Variants in SWAP70 observed in about 807,000 individuals in gnomAD.
The protein encoded by SWAP70 is switch-associated protein 70.
In SWAP70, 34 loss-of-function variants were observed where a neutral mutation model predicts 80.2. That is an observed-to-expected ratio of 0.42 (90% CI 0.32 to 0.56). The LOEUF is 0.56. SWAP70 is among the 20% of genes least tolerant of loss of function. The probability of loss-of-function intolerance (pLI) is 0.09; values close to 1 mark genes in which losing one functional copy is unlikely to be tolerated. For synonymous variants in SWAP70, 239 were observed against 238.5 expected (o/e 1.00, Z -0.02); for missense variants, 578 against 690.7 (o/e 0.84, Z 1.83).
chr11:9,730,349 A>ATTTTTTTTT (rs1851281783), intron 6 of SWAP70, among the ~76,000 whole-genome samples: 1 of 151,768 alleles, frequency 6.6e-6, no homozygotes, highest in African/African-American at 2.4e-5. Context: ...AAAAAAAAGA[A>ATTTTTTTTT]CATGTATTTT....
At chr11:9,709,033 C>T (rs1035628581) in intron 2 of SWAP70, among the ~76,000 whole-genome samples, 1 of 151,938 alleles carries the variant, frequency 6.6e-6, no homozygotes, top group African/African-American at 2.4e-5. Flanking sequence ...AGCCTCCTGA[C>T]AAGCTAGGAC....
chr11:9,745,797 C>T lies in SWAP70; in HGVS notation c.1356-2061C>T, dbSNP rs895209091. 2.6e-5 allele frequency among the ~76,000 whole-genome samples: 4 copies of T among 152,194 alleles called. No homozygotes were observed. The East Asian group carries it at 7.7e-4, about 29-fold the overall frequency. The stretch of plus-strand genomic sequence containing the variant: ...CAGAAAAAGAGTGAGGCACTGAAGT[C>T]TTTAGTCAGGAGTCTTACTTGCGAA... On this transcript the variant is annotated intron_variant, in intron 9 of 11. Coordinates refer to ENST00000318950, the MANE Select transcript of SWAP70 (RefSeq NM_015055.4).
intron 1 of SWAP70, among the ~76,000 whole-genome samples, chr11:9,683,407 C>T (rs1850592605): frequency 6.6e-6 from 1 of 151,344 alleles, no homozygotes; most frequent in Admixed American, 6.6e-5. Flanking sequence ...CAGAGCAAGA[C>T]CCTGTCTCAA....
chr11:9,720,824 T>A (rs897113562), intron 3 of SWAP70, among the ~76,000 whole-genome samples: 1 of 152,228 alleles, frequency 6.6e-6, no homozygotes, highest in African/African-American at 2.4e-5. Context: ...TCTTATTTTT[T>A]ATTTTTTTAA....
chr11:9,692,256 G>A (rs1213696900), intron 1 of SWAP70, among the ~76,000 whole-genome samples: 2 of 149,470 alleles, frequency 1.3e-5, no homozygotes, highest in African/African-American at 2.4e-5. Flanking sequence ...TTAAAAATAT[G>A]TACTACATTT....
intron 3 of SWAP70, among the ~76,000 whole-genome samples, chr11:9,721,055 A>T (rs1391359652): frequency 6.6e-6 from 1 of 152,230 alleles, no homozygotes; most frequent in Admixed American, 6.5e-5. Flanking sequence ...GCTTCAGGTG[A>T]TCTGCCCGCC....
chr11:9,711,407 GTC>G (rs1270812087), intron 2 of SWAP70, among the ~76,000 whole-genome samples: 2 of 152,028 alleles, frequency 1.3e-5, no homozygotes, highest in Non-Finnish European at 2.9e-5. Context: ...GTGTGTGTGT[GTC>G]TGTCTGTCTG....
At chr11:9,671,250 A>G (rs1383995084) in intron 1 of SWAP70, among the ~76,000 whole-genome samples, 28 of 87,858 alleles carry the variant, frequency 3.2e-4, no homozygotes, top group Non-Finnish European at 5.2e-4. Flanking sequence ...AAATATAAAT[A>G]TAAAAATATA....
intron 3 of SWAP70, among the ~76,000 whole-genome samples, chr11:9,716,021 G>T (rs1851061646): frequency 6.6e-6 from 1 of 152,196 alleles, no homozygotes; most frequent in Non-Finnish European, 1.5e-5. Context: ...ACATTGGCAG[G>T]TAGGGATTTC....
chr11:9,744,022 G>C (rs1373383046), intron 9 of SWAP70, among the ~76,000 whole-genome samples: 1 of 151,176 alleles, frequency 6.6e-6, no homozygotes, highest in Non-Finnish European at 1.5e-5. Context: ...GAGTGTAGTG[G>C]CGTGATCTCG....
At chr11:9,677,192 TA>T (rs1486428366) in intron 1 of SWAP70, among the ~76,000 whole-genome samples, 2 of 152,148 alleles carry the variant, frequency 1.3e-5, no homozygotes, top group Non-Finnish European at 2.9e-5. Flanking sequence ...GAAATAGGAA[TA>T]GGGCATCTTA....
At position 9,750,131 on chromosome 11, in the gene SWAP70, A is replaced by G. The variant is rs1293250795; in HGVS notation, c.*161A>G. ...GGCGGGTGGATCACCTGAGGTCAGG[A>G]GTTCAAGAGCAGCCTGGCCAACCTG... is the stretch of plus-strand genomic sequence containing the variant. On this transcript the variant is annotated 3_prime_UTR_variant, in exon 12 of 12. Coordinates refer to ENST00000318950, the MANE Select transcript of SWAP70 (RefSeq NM_015055.4). The G allele has an allele frequency of 2.2e-6, 1 of 453,394 alleles. No homozygotes were observed. The highest frequency in any genetic ancestry group is 4.0e-6 in the Non-Finnish European group (1 of 247,026). The allele number at this position is 453,394 out of a possible 1,614,324, so 28.1% of individuals were successfully genotyped here.
At chr11:9,695,296 GAA>G (rs56131559) in intron 2 of SWAP70, among the ~76,000 whole-genome samples, 2 of 129,504 alleles carry the variant, frequency 1.5e-5, no homozygotes, top group Non-Finnish European at 1.7e-5. Flanking sequence ...ATCCGTGTCA[GAA>G]AAAAAAAAAA....
chr11:9,692,567 G>A (rs1355841614), intron 1 of SWAP70, among the ~76,000 whole-genome samples: 4 of 151,956 alleles, frequency 2.6e-5, no homozygotes, highest in Admixed American at 2.6e-4. Context: ...CAGTAGTTGG[G>A]AATTGTTAAC....
At chr11:9,707,488 C>T (rs999754620) in intron 2 of SWAP70, among the ~76,000 whole-genome samples, 1 of 151,574 alleles carries the variant, frequency 6.6e-6, no homozygotes, top group African/African-American at 2.4e-5. Flanking sequence ...CCTATGAGAG[C>T]ATTTCCTTCT....
intron 9 of SWAP70, among the ~76,000 whole-genome samples, chr11:9,746,913 T>G (rs942527148): frequency 6.6e-6 from 1 of 152,246 alleles, no homozygotes; most frequent in Non-Finnish European, 1.5e-5. Flanking sequence ...TGGTATAGTC[T>G]GTTACTTTAT....
chr11:9,695,969 A>G (rs1850752375), intron 2 of SWAP70, among the ~76,000 whole-genome samples: 1 of 151,786 alleles, frequency 6.6e-6, no homozygotes, highest in Admixed American at 6.6e-5. Context: ...TCACTTTTGT[A>G]TTTTTTTGTA....
At chr11:9,732,472 C>T in intron 6 of SWAP70, 57 bp from the exon 7 acceptor site, 1 of 1,511,126 alleles carries the variant, frequency 6.6e-7, no homozygotes, top group Non-Finnish European at 9.0e-7. Flanking sequence ...GCATAGTAGG[C>T]TTACAAAGAA....
At chr11:9,695,145 T>A (rs1850739538) in intron 2 of SWAP70, among the ~76,000 whole-genome samples, 1 of 151,896 alleles carries the variant, frequency 6.6e-6, no homozygotes, top group African/African-American at 2.4e-5. Flanking sequence ...AAAAATTATT[T>A]TTAGTACGTG....
Sources: gnomAD v4.1 joint callset for allele counts (sites outside exome capture counted in the v4.1 genomes callset) on GRCh38, gnomAD v4.1.1 for gene constraint, MANE v1.5 for transcripts, NCBI Gene and HGNC (gene_info 2026-07-23, HGNC 2026-07-21) for gene names.